The following ASTN2 variants were observed in gnomAD, a reference collection of about 807,000 sequenced individuals.
ASTN2 encodes the protein astrotactin-2.
A neutral mutation model predicts 139.8 loss-of-function variants in ASTN2; 54 were observed. The ratio of observed to expected loss-of-function variants is 0.39; its 90% CI spans 0.31 to 0.48. The LOEUF (loss-of-function observed/expected upper bound fraction) is 0.48. Among genes scored for constraint, ASTN2 ranks in the 20% least tolerant of loss-of-function variants. The probability of loss-of-function intolerance (pLI) is 0.95; values close to 1 mark genes in which losing one functional copy is unlikely to be tolerated. For synonymous variants in ASTN2, 756 were observed against 719.5 expected (o/e 1.05, Z -0.81); for missense variants, 1,565 against 1,725.1 (o/e 0.91, Z 1.64).
At chr9:117,217,804 A>G (rs1832376864) in intron 2 of ASTN2, among the ~76,000 whole-genome samples, 1 of 152,230 alleles carries the variant, frequency 6.6e-6, no homozygotes, top group Non-Finnish European at 1.5e-5. Context: ...TTGAACGAAT[A>G]AAGGAATGAA....
intron 22 of ASTN2, among the ~76,000 whole-genome samples, chr9:116,433,516 G>A (rs1268154443): frequency 5.9e-5 from 9 of 152,070 alleles, no homozygotes; most frequent in Non-Finnish European, 1.3e-4. Flanking sequence ...TGGCCCAGAG[G>A]TGCACAATTT....
chr9:116,937,008 G>C (rs761213443), intron 10 of ASTN2, among the ~76,000 whole-genome samples: 1 of 152,034 alleles, frequency 6.6e-6, no homozygotes, highest in African/African-American at 2.4e-5. Flanking sequence ...TGTATGTGTC[G>C]GATTTTTAAT....
chr9:116,823,740 A>G (rs1831550529), intron 11 of ASTN2, among the ~76,000 whole-genome samples: 1 of 152,168 alleles, frequency 6.6e-6, no homozygotes. Context: ...AGGGTACTTG[A>G]CCAACATCAC....
intron 4 of ASTN2, among the ~76,000 whole-genome samples, chr9:117,100,114 T>G (rs1181762646): frequency 2.0e-5 from 3 of 152,220 alleles, no homozygotes; most frequent in Non-Finnish European, 4.4e-5. Context: ...TGTTTTCTTG[T>G]AGGAACTCTA....
intron 1 of ASTN2, among the ~76,000 whole-genome samples, chr9:117,401,235 G>T (rs931835494): frequency 2.0e-5 from 3 of 152,104 alleles, no homozygotes; most frequent in Admixed American, 1.3e-4. Flanking sequence ...AACCTACTAT[G>T]TGATGTTCCT....
At chr9:117,004,035 TA>T (rs5900251) in intron 7 of ASTN2, among the ~76,000 whole-genome samples, 138,474 of 151,192 alleles carry the variant, frequency 0.92, 64,537 homozygotes, top group Non-Finnish European at 1. Flanking sequence ...ATATCTTGAT[TA>T]AAAAAAAGAA....
intron 19 of ASTN2, chr9:116,586,090 A>G (rs1264937662): frequency 6.6e-6 from 1 of 152,232 alleles, no homozygotes; most frequent in African/African-American, 2.4e-5. Flanking sequence ...TCAAAACCAC[A>G]ATTGCGTGCT....
intron 16 of ASTN2, among the ~76,000 whole-genome samples, chr9:116,701,812 G>T (rs1050516993): frequency 1.3e-5 from 2 of 150,992 alleles, no homozygotes; most frequent in Non-Finnish European, 2.9e-5. Flanking sequence ...TTAATTATCT[G>T]CTGTGTTGAC....
chr9:116,616,952 T>C (rs1451403740), intron 19 of ASTN2, among the ~76,000 whole-genome samples: 2 of 152,182 alleles, frequency 1.3e-5, no homozygotes, highest in African/African-American at 4.8e-5. Context: ...ATGCACTCCA[T>C]ACAGAGTCAA....
chr9:116,878,731 C>T (rs1833369264), intron 10 of ASTN2, among the ~76,000 whole-genome samples: 1 of 151,894 alleles, frequency 6.6e-6, no homozygotes, highest in Admixed American at 6.6e-5. Flanking sequence ...AGAAATTCTC[C>T]TCTTCACCCA....
chr9:116,848,141 T>C lies in ASTN2; in HGVS notation c.2040+15442A>G, dbSNP rs117183420. ...TGCTAGGCTATGCTAATTTATGAAA[T>C]CTTCCCAACAACCCAGAAAAGAATG... On this transcript the variant is annotated intron_variant, in intron 11 of 22. Transcript: ENST00000313400. Among the ~76,000 whole-genome samples the C allele has an allele frequency of 7.8e-3, 1,187 of 152,272 alleles. 3 individuals carry two copies. Among genetic ancestry groups the C allele is most frequent in the South Asian group, 0.016 (76 of 4,824 alleles).
At chr9:116,543,485 T>C (rs937561785) in intron 19 of ASTN2, among the ~76,000 whole-genome samples, 28 of 151,654 alleles carry the variant, frequency 1.8e-4, no homozygotes, top group Admixed American at 6.6e-4. Flanking sequence ...TTGTTGATCA[T>C]GGTGTACAGT....
chr9:117,195,143 T>C (rs1325925651), intron 3 of ASTN2, among the ~76,000 whole-genome samples: 1 of 152,096 alleles, frequency 6.6e-6, no homozygotes, highest in Non-Finnish European at 1.5e-5. Context: ...AAAGTACTAT[T>C]ACAAGAACAA....
Position 116,681,009 on chromosome 9 carries a change from G to C in ASTN2, c.2807-29216C>G, listed in dbSNP as rs554948207. The stretch of plus-strand genomic sequence containing the variant: ...CACCACTCCTATTCAACATAGTGTT[G>C]GAAGTTCTGGCCAGGGCAATTAGGC... On this transcript the variant is annotated intron_variant, in intron 16 of 22. Coordinates refer to ENST00000313400, the MANE Select transcript of ASTN2 (RefSeq NM_001365068.1). Among the ~76,000 whole-genome samples, 420 of 152,250 alleles carry C rather than the reference G, an allele frequency of 2.8e-3. 5 individuals are homozygous for C. Among genetic ancestry groups the C allele is most frequent in the African/African-American group, 9.7e-3 (402 of 41,532 alleles).
At chr9:117,107,096 G>T (rs1829127004) in intron 4 of ASTN2, among the ~76,000 whole-genome samples, 1 of 152,050 alleles carries the variant, frequency 6.6e-6, no homozygotes, top group African/African-American at 2.4e-5. Flanking sequence ...TAATTAAAAT[G>T]TCATAAATAT....
chr9:116,549,202 A>T (rs542989260), intron 19 of ASTN2, among the ~76,000 whole-genome samples: 65 of 151,230 alleles, frequency 4.3e-4, no homozygotes, highest in African/African-American at 1.5e-3. Context: ...GAGGAGGAGG[A>T]GGAGGAAGCT....
At chr9:116,959,990 A>G (rs1236846113) in intron 10 of ASTN2, among the ~76,000 whole-genome samples, 1 of 151,934 alleles carries the variant, frequency 6.6e-6, no homozygotes, top group East Asian at 1.9e-4. Context: ...TGGGGCCATA[A>G]GTCATGTCTG....
chr9:117,131,248 G>A (rs1009840934), intron 4 of ASTN2, among the ~76,000 whole-genome samples: 2 of 152,118 alleles, frequency 1.3e-5, no homozygotes, highest in Non-Finnish European at 2.9e-5. Context: ...ATGATGAAAA[G>A]GGCAGTCAGA....
In ASTN2 at chr9:117,044,238, CA is replaced by C. The variant is rs572635660; in HGVS notation, c.1277-4274del. ...CAATTATTCTTATAGAAGCAGAAGA[CA>C]AAAAGAGTAAAAAGTGTAGAGAAGG... On this transcript the variant is annotated intron_variant, in intron 5 of 22. Coordinates refer to ENST00000313400, the MANE Select transcript of ASTN2 (RefSeq NM_001365068.1). Among the ~76,000 whole-genome samples the C allele has an allele frequency of 5.9e-5, 9 of 152,152 alleles. No homozygotes were observed. The South Asian group carries it at 1.9e-3, about 32-fold the overall frequency.
Sources: gnomAD v4.1 joint callset for allele counts (sites outside exome capture counted in the v4.1 genomes callset) on GRCh38, gnomAD v4.1.1 for gene constraint, MANE v1.5 for transcripts, NCBI Gene and HGNC (gene_info 2026-07-23, HGNC 2026-07-21) for gene names.